Variants in GALNT16 observed in about 807,000 individuals in gnomAD.
The protein encoded by GALNT16 is UDP-GalNAc:polypeptide N-acetylgalactosaminyltransferase-like protein 1.
A neutral mutation model predicts 76.1 loss-of-function variants in GALNT16; 40 were observed. That is an observed-to-expected ratio of 0.53 (90% CI 0.41 to 0.68). The LOEUF (loss-of-function observed/expected upper bound fraction) is 0.68, where lower values mean the gene tolerates loss of function less well. Ranked by LOEUF, GALNT16 falls within the 30% of genes least tolerant of loss-of-function variation. The probability of loss-of-function intolerance (pLI) is 0.00; values close to 1 mark genes in which losing one functional copy is unlikely to be tolerated. For missense variants in GALNT16, 621 were observed against 731.9 expected (o/e 0.85, Z 1.75); for synonymous variants, 276 against 285.2 (o/e 0.97, Z 0.32).
At chr14:69,260,089 G>A, upstream of GALNT16, 1 of 550,278 alleles carries the variant, frequency 1.8e-6, no homozygotes, top group South Asian at 2.1e-5. Context: ...GGGGCTGAAG[G>A]GCATTAGGAC....
chr14:69,375,568 C>T, the GALNT16 span, among the ~76,000 whole-genome samples: 1 of 152,182 alleles, frequency 6.6e-6, no homozygotes, highest in Non-Finnish European at 1.5e-5. Flanking sequence ...CCGCAGGTTT[C>T]CACATTATCC....
intron 1 of GALNT16, among the ~76,000 whole-genome samples, chr14:69,297,529 A>C (rs1335267267): frequency 4.6e-5 from 7 of 152,106 alleles, no homozygotes; most frequent in Non-Finnish European, 1.0e-4. Context: ...ATTAAAGTGT[A>C]CCAGTCCATG....
At chr14:69,268,517 G>T (rs1276739458) in intron 1 of GALNT16, among the ~76,000 whole-genome samples, 2 of 152,132 alleles carry the variant, frequency 1.3e-5, no homozygotes, top group African/African-American at 4.8e-5. Context: ...GGCCCCTCCT[G>T]CCTCCACACA....
chr14:69,291,188 G>A (rs144112706), intron 1 of GALNT16, among the ~76,000 whole-genome samples: 52 of 152,310 alleles, frequency 3.4e-4, no homozygotes, highest in African/African-American at 1.1e-3. Context: ...AGCTAACTCG[G>A]GAGGCTGAGG....
intron 1 of GALNT16, among the ~76,000 whole-genome samples, chr14:69,281,155 T>C (rs1394316342): frequency 1.3e-5 from 2 of 152,122 alleles, no homozygotes; most frequent in African/African-American, 2.4e-5. Flanking sequence ...CAGTGCCTGG[T>C]CCATCGTGAG....
Position 69,260,418 on chromosome 14 carries a change from C to G in GALNT16, c.128C>G (p.Ala43Gly). The G allele has an allele frequency of 6.3e-7, 1 of 1,597,932 alleles. No homozygotes were observed. Among genetic ancestry groups the G allele is most frequent in the Non-Finnish European group, 8.5e-7 (1 of 1,171,760 alleles). ...TCCGGCGGCCGGGGCGCGCAGAGGG[C>G]AGGCAGGAGGTCGGAGCAGCTCCGC... ...ASSGGRGAQR[A>G]GRRSEQLRED... Residue 43 changes from alanine to glycine, a missense_variant, in exon 1 of 15, where the codon GCA (alanine) becomes GGA (glycine). By Grantham distance (60) the Ala-to-Gly change is moderately conservative. Transcript: ENST00000448469.
intron 1 of GALNT16, among the ~76,000 whole-genome samples, chr14:69,282,553 T>C (rs897130644): frequency 1.3e-5 from 2 of 152,156 alleles, no homozygotes; most frequent in African/African-American, 2.4e-5. Flanking sequence ...ATAAGGATAA[T>C]GTGAACATGG....
intron 1 of GALNT16, among the ~76,000 whole-genome samples, chr14:69,307,186 T>C (rs2044947510): frequency 6.6e-6 from 1 of 152,156 alleles, no homozygotes. Context: ...CCCATTTTAG[T>C]TGACACCTAA....
rs1377201558 is a variant in GALNT16 at position 69,325,318 on chromosome 14, GT to G, written c.435-16del. 3.9e-6 allele frequency: 6 copies of G among 1,531,426 alleles called. No homozygotes were observed. Among genetic ancestry groups the G allele is most frequent in the Non-Finnish European group, 5.4e-6 (6 of 1,104,390 alleles). The allele number at this position is 1,531,426 out of a possible 1,614,324, so 94.9% of individuals were successfully genotyped here. ...GTTCCTAAATCCAGGCTCTTTCTCT[GT>G]TTCCACTGCTACTGTAGTGTCCTGA... On this transcript the variant is annotated intron_variant, in intron 3 of 14. Coordinates refer to ENST00000448469, the MANE Select transcript of GALNT16 (RefSeq NM_001168368.2).
At chr14:69,354,519 C>T (rs1467461421), downstream of GALNT16, 2 of 152,994 alleles carry the variant, frequency 1.3e-5, no homozygotes, top group African/African-American at 4.8e-5. Flanking sequence ...TTCAGCACAC[C>T]CTCCCCCGCC....
the GALNT16 span, among the ~76,000 whole-genome samples, chr14:69,377,636 A>T: frequency 6.6e-6 from 1 of 151,828 alleles, no homozygotes; most frequent in African/African-American, 2.4e-5. Flanking sequence ...AGGAGACCTC[A>T]TCTCTACAAA....
chr14:69,337,232 A>G (rs1424306354), intron 9 of GALNT16, among the ~76,000 whole-genome samples: 1 of 152,182 alleles, frequency 6.6e-6, no homozygotes, highest in Admixed American at 6.5e-5. Context: ...GCACTTCTGC[A>G]ACTGAATATT....
At chr14:69,383,399 A>G in the GALNT16 span, among the ~76,000 whole-genome samples, 1 of 152,234 alleles carries the variant, frequency 6.6e-6, no homozygotes, top group African/African-American at 2.4e-5. Flanking sequence ...ACAACCATCT[A>G]CAAACCAAAA....
At chr14:69,283,216 CATT>C (rs1445248931) in intron 1 of GALNT16, among the ~76,000 whole-genome samples, 1 of 152,182 alleles carries the variant, frequency 6.6e-6, no homozygotes, top group African/African-American at 2.4e-5. Context: ...ACTATGGACA[CATT>C]AGTACGATCC....
Position 69,333,068 on chromosome 14 carries a change from C to G in GALNT16, c.779-17C>G, listed in dbSNP as rs747618248. On this transcript the variant is annotated splice_polypyrimidine_tract_variant and intron_variant, in intron 7 of 14. Coordinates refer to ENST00000448469, the MANE Select transcript of GALNT16 (RefSeq NM_001168368.2). The surrounding 1 kb of genome is among the most constrained non-coding windows in gnomAD (Gnocchi z 4.2). ...GCTCTGCCCTGAGCTCTGTCCTCAC[C>G]TTGCTGTGTCCCTTAGGGTTCGACT... 6.3e-7 allele frequency: 1 copy of G among 1,594,452 alleles called. No individual in the cohort carries two copies. Among genetic ancestry groups the G allele is most frequent in the Non-Finnish European group, 8.6e-7 (1 of 1,162,206 alleles).
At chr14:69,260,679 G>A (rs2044254311) in intron 1 of GALNT16, 3 of 279,418 alleles carry the variant, frequency 1.1e-5, no homozygotes, top group Non-Finnish European at 2.0e-5. Flanking sequence ...GGGTGACAGA[G>A]GGTGGGGGCT....
At position 69,347,966 on chromosome 14, in the gene GALNT16, C is replaced by T. The variant is rs1356405453; in HGVS notation, c.1503C>T (p.Val501=). 1.9e-6 allele frequency: 3 copies of T among 1,613,980 alleles called. No individual in the cohort carries two copies. Among genetic ancestry groups the T allele is most frequent in the Non-Finnish European group, 2.5e-6 (3 of 1,179,998 alleles). ...STLMSSPGSP[V]ILQMCNPREG... Reference sequence around the variant, plus strand: ...TAATGTCCTCCCCTGGATCCCCAGTCATACTGCAGATGTGCAACCCTAGAG... The same window carrying T: ...TAATGTCCTCCCCTGGATCCCCAGTTATACTGCAGATGTGCAACCCTAGAG... The change falls in exon 14 of 15, where the codon GTC becomes GTT. Residue 501 remains valine (V), a synonymous_variant. Transcript: ENST00000448469.
At chr14:69,363,276 C>T in the GALNT16 span, among the ~76,000 whole-genome samples, 1 of 152,188 alleles carries the variant, frequency 6.6e-6, no homozygotes, top group African/African-American at 2.4e-5. Context: ...GGCAGTCACG[C>T]TGCCGAGAAG....
At chr14:69,283,950 C>T (rs1313606753) in intron 1 of GALNT16, among the ~76,000 whole-genome samples, 1 of 152,180 alleles carries the variant, frequency 6.6e-6, no homozygotes, top group Non-Finnish European at 1.5e-5. Context: ...AAGTTGCTTA[C>T]AGTAAGGTGG....
Sources: allele counts gnomAD v4.1 joint callset (sites outside exome capture counted in the v4.1 genomes callset), GRCh38; gene constraint gnomAD v4.1.1; non-coding constraint Gnocchi (gnomAD v3.1); transcripts MANE v1.5; gene names NCBI Gene and HGNC (gene_info 2026-07-23, HGNC 2026-07-21).